Variants in SRPK2 observed in about 807,000 individuals in gnomAD.
SRPK2 encodes the protein SFRS protein kinase 2.
A neutral mutation model predicts 90.8 loss-of-function variants in SRPK2; 21 were observed. That is an observed-to-expected ratio of 0.23 (90% CI 0.16 to 0.33). The LOEUF (loss-of-function observed/expected upper bound fraction) is 0.33. SRPK2 is among the 10% of genes least tolerant of loss of function. SRPK2 has a pLI of 1.00. For missense variants in SRPK2, 620 were observed against 869.0 expected, an observed-to-expected ratio of 0.71 and a Z score of 3.60; for synonymous variants, 288 against 311.1, an observed-to-expected ratio of 0.93 and a Z score of 0.78.
intron 3 of SRPK2, among the ~76,000 whole-genome samples, chr7:105,191,007 A>G (rs1282653053): frequency 6.6e-6 from 1 of 152,162 alleles, no homozygotes; most frequent in East Asian, 1.9e-4. Flanking sequence ...ATTTTTTTCT[A>G]TAAGGAATTG....
At chr7:105,299,758 G>C (rs570856657) in intron 2 of SRPK2, among the ~76,000 whole-genome samples, 13 of 152,224 alleles carry the variant, frequency 8.5e-5, no homozygotes, top group African/African-American at 3.1e-4. Flanking sequence ...GCCAGGTGTG[G>C]TGGAGGGTGC....
chr7:105,343,728 T>C (rs1291041942), intron 2 of SRPK2, among the ~76,000 whole-genome samples: 5 of 152,202 alleles, frequency 3.3e-5, no homozygotes, highest in Non-Finnish European at 7.3e-5. Context: ...TTTTCATAAA[T>C]CTTTATCTCT....
At chr7:105,370,210 A>C (rs1385775482) in intron 2 of SRPK2, among the ~76,000 whole-genome samples, 2 of 152,152 alleles carry the variant, frequency 1.3e-5, no homozygotes, top group Non-Finnish European at 2.9e-5. Context: ...TATCCATCTT[A>C]TCTCTACTAC....
At chr7:105,234,258 T>C (rs1799869979) in intron 2 of SRPK2, among the ~76,000 whole-genome samples, 2 of 152,246 alleles carry the variant, frequency 1.3e-5, no homozygotes, top group Non-Finnish European at 2.9e-5. Context: ...GTTTTTTGTT[T>C]GTTTTAAACA....
chr7:105,135,623 C>T (rs879414740), intron 11 of SRPK2, among the ~76,000 whole-genome samples: 3 of 152,202 alleles, frequency 2.0e-5, no homozygotes, highest in Non-Finnish European at 4.4e-5. Context: ...TCTGAGGGCA[C>T]TCAAGTGGAA....
chr7:105,384,334 A>C (rs1477155187), intron 2 of SRPK2, among the ~76,000 whole-genome samples: 1 of 152,200 alleles, frequency 6.6e-6, no homozygotes, highest in African/African-American at 2.4e-5. Context: ...AGGACAATCT[A>C]ACAGGATTAA....
intron 2 of SRPK2, among the ~76,000 whole-genome samples, chr7:105,305,823 A>C (rs899738783): frequency 6.6e-6 from 1 of 152,256 alleles, no homozygotes; most frequent in African/African-American, 2.4e-5. Context: ...GGGTTTACAC[A>C]CCATCTTAAC....
intron 2 of SRPK2, among the ~76,000 whole-genome samples, chr7:105,215,875 T>G (rs1027944987): frequency 4.0e-5 from 6 of 151,758 alleles, no homozygotes; most frequent in Non-Finnish European, 8.8e-5. Flanking sequence ...TGAAGTTTTT[T>G]GGGGGGGTGA....
intron 2 of SRPK2, among the ~76,000 whole-genome samples, chr7:105,321,887 G>C (rs76516184): frequency 1.3e-5 from 2 of 152,134 alleles, no homozygotes; most frequent in Non-Finnish European, 2.9e-5. Flanking sequence ...GAAAACTGGA[G>C]ATTTCTCAAA....
intron 11 of SRPK2, 136 bp downstream of exon 11, chr7:105,141,872 G>T: frequency 1.1e-6 from 1 of 892,558 alleles, no homozygotes; most frequent in Non-Finnish European, 1.7e-6. Context: ...ACTTCTTCAG[G>T]AGTATAAAAG....
In SRPK2 at chr7:105,380,674, C is replaced by T. The variant is rs182753611; in HGVS notation, c.71+7974G>A. ...GCATAGCTGGGATTATAGGCACATG[C>T]CACCACGCCTGGCTAATTTTTGTAT... is the stretch of plus-strand genomic sequence containing the variant. On this transcript the variant is annotated intron_variant, in intron 2 of 15. Coordinates refer to ENST00000393651, the MANE Select transcript of SRPK2 (RefSeq NM_182692.3). 4.2e-3 allele frequency among the ~76,000 whole-genome samples: 643 copies of T among 151,824 alleles called. 1 individual carries two copies. Among genetic ancestry groups the T allele is most frequent in the Middle Eastern group, 0.014 (4 of 294 alleles).
intron 2 of SRPK2, among the ~76,000 whole-genome samples, chr7:105,356,154 G>A (rs1403395000): frequency 2.0e-5 from 3 of 152,074 alleles, no homozygotes; most frequent in Non-Finnish European, 2.9e-5. Flanking sequence ...GTGACAAAAT[G>A]GCTTCAATAC....
Position 105,142,424 on chromosome 7 carries a change from T to C in SRPK2, c.1127A>G (p.Asp376Gly), listed in dbSNP as rs780956618. Reference sequence around the variant, plus strand: ...TATGTTCGCAAGTTCCTGATCTACATCATCTTCATCTTTTTCAATGTTTTC... The same window carrying C: ...TATGTTCGCAAGTTCCTGATCTACACCATCTTCATCTTTTTCAATGTTTTC... ...EKENIEKDED[D>G]VDQELANIDP... Residue 376 changes from aspartate to glycine, a missense_variant, in exon 11 of 16, where the codon GAT becomes GGT. This residue lies in a region of SRPK2 where 243 missense variants were observed against 245.7 expected (regional missense o/e 0.99). Coordinates refer to ENST00000393651, the MANE Select transcript of SRPK2 (RefSeq NM_182692.3). The C allele has an allele frequency of 5.6e-6, 9 of 1,613,578 alleles. No homozygotes were observed. Among genetic ancestry groups the C allele is most frequent in the Non-Finnish European group, 8.5e-7 (1 of 1,179,874 alleles).
chr7:105,325,465 T>C (rs542389131), intron 2 of SRPK2, among the ~76,000 whole-genome samples: 1 of 70,602 alleles, frequency 1.4e-5, no homozygotes, highest in Admixed American at 2.2e-4. Context: ...AATGAGGAAC[T>C]AAGACTAGAA....
At chr7:105,161,654 T>C (rs900803100) in intron 6 of SRPK2, among the ~76,000 whole-genome samples, 2 of 152,162 alleles carry the variant, frequency 1.3e-5, no homozygotes, top group East Asian at 3.8e-4. Context: ...GGAACTGACA[T>C]GAAACAAATA....
chr7:105,350,223 C>T (rs1325722017), intron 2 of SRPK2, among the ~76,000 whole-genome samples: 1 of 148,868 alleles, frequency 6.7e-6, no homozygotes, highest in East Asian at 2.0e-4. Context: ...CTCCGCCTCC[C>T]CTGTTTTAGG....
chr7:105,166,048 C>T (rs936005611), intron 6 of SRPK2, among the ~76,000 whole-genome samples: 5 of 152,254 alleles, frequency 3.3e-5, no homozygotes, highest in Admixed American at 6.5e-5. Context: ...CAGAAGGAAA[C>T]GGACACATTA....
chr7:105,370,321 C>G (rs1819551289), intron 2 of SRPK2, among the ~76,000 whole-genome samples: 1 of 152,174 alleles, frequency 6.6e-6, no homozygotes, highest in African/African-American at 2.4e-5. Context: ...CCAACACACA[C>G]AGTCCATCCA....
intron 2 of SRPK2, among the ~76,000 whole-genome samples, chr7:105,301,249 C>T (rs1199589229): frequency 6.6e-6 from 1 of 150,830 alleles, no homozygotes; most frequent in Non-Finnish European, 1.5e-5. Flanking sequence ...CAAGACCATC[C>T]TGGCTAACAC....
Sources: allele counts gnomAD v4.1 joint callset (sites outside exome capture counted in the v4.1 genomes callset), GRCh38; gene constraint gnomAD v4.1.1; regional missense constraint gnomAD v4.1.1; transcripts MANE v1.5; gene names NCBI Gene and HGNC (gene_info 2026-07-23, HGNC 2026-07-21).